Variants in CBFA2T3 observed in about 807,000 individuals in gnomAD.
CBFA2T3 encodes the protein CBFA2/RUNX1 partner transcriptional co-repressor 3.
In CBFA2T3, 31 loss-of-function variants were observed where a neutral mutation model predicts 58.6. The observed-to-expected ratio is 0.53, with a 90% CI of 0.40 to 0.71. CBFA2T3 has a LOEUF of 0.71. CBFA2T3 is among the 30% of genes least tolerant of loss of function. The pLI is 0.00. For missense variants in CBFA2T3, 1,076 were observed against 963.1 expected (o/e 1.12, Z -1.55); for synonymous variants, 531 against 421.9 (o/e 1.26, Z -3.17).
intron 1 of CBFA2T3, among the ~76,000 whole-genome samples, chr16:88,961,056 C>T (rs1024681902): frequency 6.6e-6 from 1 of 152,208 alleles, no homozygotes; most frequent in Non-Finnish European, 1.5e-5. Context: ...GGCTGTGAGA[C>T]CTGTCTGAGG....
At chr16:88,922,670 C>T (rs1208124556) in intron 1 of CBFA2T3, among the ~76,000 whole-genome samples, 2 of 152,242 alleles carry the variant, frequency 1.3e-5, no homozygotes, top group East Asian at 3.9e-4. Context: ...ACGCCTGTTC[C>T]TGGGCAAATC....
At chr16:88,891,133 G>A (rs1400003111) in intron 5 of CBFA2T3, among the ~76,000 whole-genome samples, 1 of 152,046 alleles carries the variant, frequency 6.6e-6, no homozygotes, top group Non-Finnish European at 1.5e-5. Context: ...GGCCTGCGCA[G>A]CCACAGAAGC....
At chr16:88,901,694 G>A (rs759139002) in intron 1 of CBFA2T3, 38 bp from the exon 2 acceptor site, 5 of 1,509,894 alleles carry the variant, frequency 3.3e-6, no homozygotes, top group East Asian at 2.7e-5. Flanking sequence ...GGTGAAGCAG[G>A]CTAAGTGCAA....
At chr16:88,890,986 G>A (rs1969607698) in intron 5 of CBFA2T3, among the ~76,000 whole-genome samples, 1 of 152,162 alleles carries the variant, frequency 6.6e-6, no homozygotes, top group African/African-American at 2.4e-5. Context: ...CTTTAAAAAT[G>A]CAGGCTCTGA....
chr16:88,968,652 G>A (rs1027862820), intron 1 of CBFA2T3, among the ~76,000 whole-genome samples: 2 of 152,216 alleles, frequency 1.3e-5, no homozygotes, highest in Non-Finnish European at 2.9e-5. Context: ...TCCGTCCCCC[G>A]CCTGTCAGTC....
rs1035442818 is a variant in CBFA2T3 at position 88,958,533 on chromosome 16, C to T, written c.151+18124G>A. On this transcript the variant is annotated intron_variant, in intron 1 of 11. Transcript: ENST00000268679. This position sits in a 1 kb window ranked among gnomAD's most constrained non-coding sequence, Gnocchi z 4.0. The stretch of plus-strand genomic sequence containing the variant: ...GTGCCCCACATCCCTGGGCATCACA[C>T]GCGTGTCGTCTGGAGCAGAAGCTGG... Among the ~76,000 whole-genome samples, 6 of 152,270 alleles carry T rather than the reference C, an allele frequency of 3.9e-5. No homozygotes were observed. Among genetic ancestry groups the T allele is most frequent in the East Asian group, 3.9e-4 (2 of 5,174 alleles).
At chr16:88,941,727 GC>G (rs1398402915) in intron 1 of CBFA2T3, 1 of 149,628 alleles carries the variant, frequency 6.7e-6, no homozygotes, top group African/African-American at 2.4e-5. Flanking sequence ...GGCGGCCCCC[GC>G]CTGCGCCCAC....
In CBFA2T3 at chr16:88,876,511, A is replaced by C; in HGVS notation, c.*465T>G. 1 of 234,460 alleles carries C rather than the reference A, an allele frequency of 4.3e-6. No homozygotes were observed. 14.5% of individuals were successfully genotyped at this position (234,460 alleles called of 1,614,324 possible). ...AGTAGCTCTTTTGCCAACACACAAA[A>C]CCCCCCAAAATTCTTTGCTGAAAAT... On this transcript the variant is annotated 3_prime_UTR_variant, in exon 12 of 12. Coordinates refer to ENST00000268679, the MANE Select transcript of CBFA2T3 (RefSeq NM_005187.6).
intron 1 of CBFA2T3, among the ~76,000 whole-genome samples, chr16:88,904,032 G>A (rs1022612491): frequency 1.3e-5 from 2 of 152,224 alleles, no homozygotes; most frequent in Non-Finnish European, 2.9e-5. Context: ...CCAGGAGACC[G>A]CTGGGCCGTC....
chr16:88,976,553 T>C, intron 1 of CBFA2T3, 104 bp downstream of exon 1: 1 of 852,308 alleles, frequency 1.2e-6, no homozygotes, highest in Non-Finnish European at 1.8e-6. Context: ...GCCGGCACTG[T>C]CAACTAAGCT....
intron 1 of CBFA2T3, among the ~76,000 whole-genome samples, chr16:88,951,805 A>T (rs1972080670): frequency 6.6e-6 from 1 of 152,264 alleles, no homozygotes; most frequent in African/African-American, 2.4e-5. Context: ...AGGCAAGCCC[A>T]GAGTGGCCTG....
At chr16:88,931,968 G>A (rs1016598155) in intron 1 of CBFA2T3, among the ~76,000 whole-genome samples, 7 of 152,120 alleles carry the variant, frequency 4.6e-5, no homozygotes, top group African/African-American at 1.7e-4. Flanking sequence ...AGTCTGGACA[G>A]CCAGGTCATA....
chr16:88,930,380 C>T (rs753203079), intron 1 of CBFA2T3, among the ~76,000 whole-genome samples: 9 of 150,634 alleles, frequency 6.0e-5, no homozygotes, highest in South Asian at 2.1e-4. Flanking sequence ...ACAGCTGCAT[C>T]GTCCACGCAA....
At position 88,877,071 on chromosome 16, in the gene CBFA2T3, C is replaced by A; in HGVS notation, c.1867G>T (p.Val623Leu). ...GCTTCGCTGGGGCTGGCAGCACCCA[C>A]AGGCAGGGAGGGGCCCAGGCTGTGG... ...AAHSLGPSLPVGAASPSEAGS... is the reference protein window; with the variant it reads ...AAHSLGPSLPLGAASPSEAGS... The change falls in exon 12 of 12, where the codon GTG becomes TTG. Residue 623 changes from valine (V) to leucine (L), a missense_variant. Val to Leu is a conservative substitution (Grantham distance 32). Transcript: ENST00000268679. 1 of 1,530,894 alleles carries A rather than the reference C, an allele frequency of 6.5e-7. No homozygotes were observed. Among genetic ancestry groups the A allele is most frequent in the Non-Finnish European group, 8.8e-7 (1 of 1,136,702 alleles). 94.8% of individuals were successfully genotyped at this position (1,530,894 alleles called of 1,614,324 possible).
Position 88,936,228 on chromosome 16 carries a change from G to A in CBFA2T3, c.152-34572C>T, listed in dbSNP as rs186672782. Among the ~76,000 whole-genome samples the A allele has an allele frequency of 3.6e-3, 542 of 152,260 alleles. 1 individual carries two copies. Among genetic ancestry groups the A allele is most frequent in the Admixed American group, 5.2e-3 (79 of 15,302 alleles). On this transcript the variant is annotated intron_variant, in intron 1 of 11. Transcript: ENST00000268679. ...GCAGGAGCCCTCCTGACTGCCCCGG[G>A]CATTTCCTGGGCGTCTCCCAGGTAT...
chr16:88,971,705 G>T (rs369640756), intron 1 of CBFA2T3, among the ~76,000 whole-genome samples: 1 of 152,236 alleles, frequency 6.6e-6, no homozygotes, highest in African/African-American at 2.4e-5. Flanking sequence ...AAGGGTGGGT[G>T]GGCGGCCCTC....
chr16:88,963,249 G>A (rs1036496851), intron 1 of CBFA2T3, among the ~76,000 whole-genome samples: 17 of 151,528 alleles, frequency 1.1e-4, no homozygotes, highest in African/African-American at 4.1e-4. Flanking sequence ...AGGGGTGGGC[G>A]CTCATCTTCT....
intron 1 of CBFA2T3, among the ~76,000 whole-genome samples, chr16:88,949,294 C>T (rs1486552451): frequency 1.3e-5 from 2 of 152,212 alleles, no homozygotes; most frequent in African/African-American, 4.8e-5. Flanking sequence ...CGCGGCGCCT[C>T]ACACCTGTAA....
At chr16:88,901,918 C>G (rs540717704) in intron 1 of CBFA2T3, among the ~76,000 whole-genome samples, 1 of 152,190 alleles carries the variant, frequency 6.6e-6, no homozygotes, top group Non-Finnish European at 1.5e-5. Flanking sequence ...GGCCGCCCTG[C>G]GAGAGCCGTG....
Sources: allele counts gnomAD v4.1 joint callset (sites outside exome capture counted in the v4.1 genomes callset), GRCh38; gene constraint gnomAD v4.1.1; non-coding constraint Gnocchi (gnomAD v3.1); transcripts MANE v1.5; gene names NCBI Gene and HGNC (gene_info 2026-07-23, HGNC 2026-07-21).